Variants in ARSG observed in about 807,000 individuals in gnomAD.
ARSG encodes ASG.
Under a neutral mutation model 50.5 loss-of-function variants are expected in ARSG, and 37 were observed. The observed-to-expected ratio is 0.73, with a 90% CI of 0.56 to 0.96. ARSG has a LOEUF of 0.96. Ranked by LOEUF, ARSG falls within the 50% of genes least tolerant of loss-of-function variation. The pLI is 0.00. For missense variants in ARSG, 629 were observed against 675.3 expected (o/e 0.93, Z 0.76); for synonymous variants, 225 against 254.6 (o/e 0.88, Z 1.11).
chr17:68,284,618 T>C (rs1206442934), intron 1 of ARSG, among the ~76,000 whole-genome samples: 13 of 152,066 alleles, frequency 8.5e-5, no homozygotes, highest in African/African-American at 3.1e-4. Context: ...GACTTGCTGG[T>C]TTTCTATTTT....
At chr17:68,376,281 T>TTTTTC (rs1555786023) in intron 8 of ARSG, among the ~76,000 whole-genome samples, 1 of 148,652 alleles carries the variant, frequency 6.7e-6, no homozygotes, top group Non-Finnish European at 1.5e-5. Context: ...CCCTGCATTT[T>TTTTTC]TTTTTTTTTT....
chr17:68,388,460 A>G (rs2080830167), intron 9 of ARSG, among the ~76,000 whole-genome samples: 1 of 152,114 alleles, frequency 6.6e-6, no homozygotes, highest in Admixed American at 6.6e-5. Flanking sequence ...GCTGAGAACT[A>G]CGGCTTTAGC....
At chr17:68,433,073 T>C in the ARSG span, among the ~76,000 whole-genome samples, 1 of 152,256 alleles carries the variant, frequency 6.6e-6, no homozygotes, top group Non-Finnish European at 1.5e-5. Context: ...TATATTGTTA[T>C]ATTTACAGCT....
chr17:68,305,613 C>G (rs372353694), intron 1 of ARSG, among the ~76,000 whole-genome samples: 2 of 152,202 alleles, frequency 1.3e-5, no homozygotes, highest in South Asian at 4.1e-4. Flanking sequence ...GACACATTTC[C>G]ATGAAAAAAA....
chr17:68,322,163 T>C (rs549944014), intron 2 of ARSG, among the ~76,000 whole-genome samples: 1 of 152,350 alleles, frequency 6.6e-6, no homozygotes. Context: ...TGACATGTTT[T>C]TTCCAATCAA....
intron 1 of ARSG, among the ~76,000 whole-genome samples, chr17:68,263,456 G>C (rs782498619): frequency 1.3e-5 from 2 of 152,208 alleles, no homozygotes; most frequent in Admixed American, 6.5e-5. Context: ...GTCATTTTAA[G>C]TAATGTGCAT....
chr17:68,260,789 G>A (rs1467314146), intron 1 of ARSG, among the ~76,000 whole-genome samples: 2 of 152,040 alleles, frequency 1.3e-5, no homozygotes, highest in African/African-American at 2.4e-5. Flanking sequence ...CACCATGGCC[G>A]GCCAAGAGTT....
In ARSG at chr17:68,356,695, G is replaced by A. The variant is rs186474907; in HGVS notation, c.595G>A (p.Val199Met). The A allele has an allele frequency of 7.2e-4, 1,158 of 1,614,184 alleles. 4 individuals carry two copies. Among genetic ancestry groups the A allele is most frequent in the Middle Eastern group, 2.3e-3 (14 of 6,062 alleles). ...CCTTCAAAGAGACTGTTACACTGAC[G>A]TGGCCCTCCCTCTTTATGAAAACCT... ...RNLQRDCYTD[V>M]ALPLYENLNI... Residue 199 changes from valine to methionine, a missense_variant, in exon 6 of 12, where the codon GTG becomes ATG. Coordinates refer to ENST00000621439, the MANE Select transcript of ARSG (RefSeq NM_001267727.2).
chr17:68,296,654 A>G (rs782084274), intron 1 of ARSG, among the ~76,000 whole-genome samples: 1 of 152,054 alleles, frequency 6.6e-6, no homozygotes, highest in South Asian at 2.1e-4. Flanking sequence ...CTTCCCTCCC[A>G]TGCCCATCGT....
chr17:68,392,271 G>A (rs1304895915), intron 9 of ARSG, among the ~76,000 whole-genome samples: 1 of 152,182 alleles, frequency 6.6e-6, no homozygotes, highest in Non-Finnish European at 1.5e-5. Flanking sequence ...CAGCCTCTCT[G>A]TTCTTGCGGA....
intron 1 of ARSG, chr17:68,273,967 T>C (rs2075426711): frequency 1.9e-6 from 3 of 1,614,034 alleles, no homozygotes; most frequent in Middle Eastern, 1.6e-4. Flanking sequence ...GAGAAACCTC[T>C]TGTGAGAAGG....
intron 2 of ARSG, among the ~76,000 whole-genome samples, chr17:68,332,740 CT>C (rs1349835105): frequency 6.6e-6 from 1 of 152,218 alleles, no homozygotes; most frequent in African/African-American, 2.4e-5. Context: ...TTATGTTCTT[CT>C]GCCATGGCTT....
At chr17:68,334,093 C>T (rs964840035) in intron 2 of ARSG, among the ~76,000 whole-genome samples, 2 of 152,144 alleles carry the variant, frequency 1.3e-5, no homozygotes, top group Non-Finnish European at 2.9e-5. Context: ...AGGACCTCAC[C>T]CAACCTGTCA....
At chr17:68,451,004 G>A in the ARSG span, 16 of 1,422,596 alleles carry the variant, frequency 1.1e-5, no homozygotes, top group East Asian at 5.0e-5. Flanking sequence ...AAGGTTCTCC[G>A]GGTCTTGCCG....
chr17:68,393,678 C>A (rs945997135), intron 9 of ARSG, among the ~76,000 whole-genome samples: 1 of 151,918 alleles, frequency 6.6e-6, no homozygotes, highest in Non-Finnish European at 1.5e-5. Flanking sequence ...ACCAACCTGG[C>A]CAACACGGCG....
the ARSG span, chr17:68,450,599 G>T: frequency 8.0e-7 from 1 of 1,247,928 alleles, no homozygotes. Context: ...GGGACACGGG[G>T]CCTGAGTGTT....
chr17:68,351,629 C>T lies in ARSG; in HGVS notation c.509C>T (p.Thr170Ile), dbSNP rs2078767118. The T allele has an allele frequency of 1.9e-6, 3 of 1,613,956 alleles. No individual in the cohort carries two copies. The highest frequency in any genetic ancestry group is 1.7e-6 in the Non-Finnish European group (2 of 1,179,910). ...PYSHDMGCTD[T>I]PGYNHPPCPA... is the part of the protein sequence containing the mutation. ...AGCCATGATATGGGCTGTACTGATA[C>T]TCCAGGCTACAACCACCCTCCTTGT... Residue 170 changes from threonine (T) to isoleucine (I), a missense_variant, in exon 5 of 12, where the codon ACT becomes ATT. Physicochemically the swap from Thr to Ile is moderately conservative, Grantham distance 89. Coordinates refer to ENST00000621439, the MANE Select transcript of ARSG (RefSeq NM_001267727.2).
intron 10 of ARSG, 112 bp downstream of exon 10, chr17:68,395,305 A>C: frequency 2.0e-6 from 3 of 1,507,440 alleles, no homozygotes; most frequent in Non-Finnish European, 1.8e-6. Context: ...AACAGGCTGC[A>C]GGTCGGATAC....
At chr17:68,429,012 C>T in the ARSG span, 1 of 1,117,086 alleles carries the variant, frequency 9.0e-7, no homozygotes, top group South Asian at 1.3e-5. Flanking sequence ...ACAAAGCCCC[C>T]CTCACCCTAG....
Sources: allele counts gnomAD v4.1 joint callset (sites outside exome capture counted in the v4.1 genomes callset), GRCh38; gene constraint gnomAD v4.1.1; transcripts MANE v1.5; gene names NCBI Gene and HGNC (gene_info 2026-07-23, HGNC 2026-07-21).